RGS5: variants seen among roughly 807,000 people sequenced by gnomAD.
RGS5 encodes the protein regulator of G-protein signalling 5.
A neutral mutation model predicts 18.9 loss-of-function variants in RGS5; 20 were observed. The observed-to-expected ratio is 1.06, with a 90% CI of 0.74 to 1.54. The LOEUF (loss-of-function observed/expected upper bound fraction) is 1.54. RGS5 is among the 40% of genes most tolerant of loss of function. The probability of loss-of-function intolerance (pLI) is 0.00; values close to 1 mark genes in which losing one functional copy is unlikely to be tolerated. For synonymous variants in RGS5, 57 were observed against 76.2 expected, an observed-to-expected ratio of 0.75 and a Z score of 1.31; for missense variants, 201 against 211.8, an observed-to-expected ratio of 0.95 and a Z score of 0.32.
At chr1:163,269,402 T>C (rs1648653640) in intron 2 of RGS5, among the ~76,000 whole-genome samples, 1 of 152,022 alleles carries the variant, frequency 6.6e-6, no homozygotes, top group Admixed American at 6.6e-5. Flanking sequence ...CACATATGCA[T>C]CTCTCCAACA....
intron 1 of RGS5, among the ~76,000 whole-genome samples, chr1:163,186,181 CT>C (rs1229026409): frequency 1.6e-4 from 25 of 151,736 alleles, no homozygotes; most frequent in African/African-American, 5.8e-4. Context: ...AGCAATTTCC[CT>C]GCCTCAGCCT....
intron 2 of RGS5, among the ~76,000 whole-genome samples, chr1:163,301,657 A>T (rs1323108601): frequency 6.6e-6 from 1 of 152,182 alleles, no homozygotes; most frequent in East Asian, 1.9e-4. Context: ...ATAAAGAAAA[A>T]AAATGAGCCT....
intron 2 of RGS5, among the ~76,000 whole-genome samples, chr1:163,268,616 C>A (rs1433111668): frequency 6.6e-6 from 1 of 152,044 alleles, no homozygotes; most frequent in African/African-American, 2.4e-5. Context: ...AACCAATATT[C>A]CCCCTGTCCT....
chr1:163,167,362 C>T (rs572863908), intron 2 of RGS5, among the ~76,000 whole-genome samples: 106 of 152,296 alleles, frequency 7.0e-4, no homozygotes, highest in African/African-American at 2.4e-3. Context: ...CTTGATTTTT[C>T]ATGGATATCT....
At chr1:163,274,079 C>T (rs1309879732) in intron 2 of RGS5, among the ~76,000 whole-genome samples, 1 of 152,118 alleles carries the variant, frequency 6.6e-6, no homozygotes, top group African/African-American at 2.4e-5. Context: ...TTGGTCTTGG[C>T]CCCTGGTTCC....
At chr1:163,183,486 C>T (rs942072698) in intron 1 of RGS5, among the ~76,000 whole-genome samples, 6 of 152,154 alleles carry the variant, frequency 3.9e-5, no homozygotes, top group African/African-American at 4.8e-5. Context: ...TATTGAGATG[C>T]AGCTGTGATA....
rs1446668584 is a variant in RGS5, at chr1:163,146,773, C to A, written c.*569G>T. ...TCTCTTATTTATAATACCCAACTAA[C>A]ATGAAGGTGGTCCAAGGGAAGGATC... On this transcript the variant is annotated 3_prime_UTR_variant, in exon 5 of 5. Coordinates refer to ENST00000313961, the MANE Select transcript of RGS5 (RefSeq NM_003617.4). 6.6e-6 allele frequency: 1 copy of A among 152,092 alleles called. No individual in the cohort carries two copies. The highest frequency in any genetic ancestry group is 2.4e-5 in the African/African-American group (1 of 41,424). The allele number at this position is 152,092 out of a possible 1,614,324, so 9.4% of individuals were successfully genotyped here. A position where few individuals can be genotyped will look rare whatever the true frequency, so the allele number is the denominator to read the frequency against.
intron 2 of RGS5, among the ~76,000 whole-genome samples, chr1:163,267,569 A>G (rs1333415012): frequency 1.3e-5 from 2 of 152,138 alleles, no homozygotes; most frequent in African/African-American, 2.4e-5. Flanking sequence ...ATTGAGTCTG[A>G]TTATAAATTG....
At chr1:163,312,078 T>C (rs2101650438) in intron 1 of RGS5, among the ~76,000 whole-genome samples, 1 of 152,312 alleles carries the variant, frequency 6.6e-6, no homozygotes, top group Non-Finnish European at 1.5e-5. Context: ...AGGGACCTGG[T>C]GGGAGGTGGC....
chr1:163,315,368 C>T (rs1179423942), intron 1 of RGS5, among the ~76,000 whole-genome samples: 1 of 152,042 alleles, frequency 6.6e-6, no homozygotes, highest in African/African-American at 2.4e-5. Flanking sequence ...ATCAGCCTGG[C>T]CAACATAGTG....
intron 2 of RGS5, among the ~76,000 whole-genome samples, chr1:163,275,894 T>C (rs148725104): frequency 6.6e-6 from 1 of 152,268 alleles, no homozygotes; most frequent in East Asian, 1.9e-4. Context: ...AGGGATAGAA[T>C]TAGATCAGGC....
At chr1:163,279,997 A>T (rs1031281522) in intron 2 of RGS5, among the ~76,000 whole-genome samples, 1 of 152,096 alleles carries the variant, frequency 6.6e-6, no homozygotes, top group African/African-American at 2.4e-5. Flanking sequence ...TGAATAACAA[A>T]GTTGAATCAG....
intron 2 of RGS5, among the ~76,000 whole-genome samples, chr1:163,278,528 G>A (rs949801651): frequency 3.3e-5 from 5 of 152,122 alleles, no homozygotes; most frequent in African/African-American, 9.6e-5. Flanking sequence ...TGAAAACACA[G>A]AAGTATTAAC....
intron 1 of RGS5, among the ~76,000 whole-genome samples, chr1:163,310,730 C>T (rs1181708453): frequency 6.6e-6 from 1 of 152,126 alleles, no homozygotes; most frequent in African/African-American, 2.4e-5. Flanking sequence ...GCACTTGCTG[C>T]TTCACTCTAC....
intron 2 of RGS5, among the ~76,000 whole-genome samples, chr1:163,162,568 AC>A (rs1191512489): frequency 6.6e-6 from 1 of 152,012 alleles, no homozygotes; most frequent in East Asian, 1.9e-4. Context: ...ACAGGATCAG[AC>A]TTTTTTTTAA....
chr1:163,284,721 T>C (rs1394515522), intron 2 of RGS5, among the ~76,000 whole-genome samples: 2 of 152,080 alleles, frequency 1.3e-5, no homozygotes, highest in East Asian at 3.9e-4. Context: ...CAATAGGATC[T>C]GTCTTCCCTC....
At chr1:163,273,665 A>G (rs1648777990) in intron 2 of RGS5, among the ~76,000 whole-genome samples, 1 of 152,192 alleles carries the variant, frequency 6.6e-6, no homozygotes, top group South Asian at 2.1e-4. Flanking sequence ...TCTAACATAT[A>G]GGACCACTCA....
intron 3 of RGS5, among the ~76,000 whole-genome samples, chr1:163,156,716 T>C (rs932047944): frequency 1.3e-5 from 2 of 152,142 alleles, no homozygotes; most frequent in African/African-American, 4.8e-5. Context: ...ACACTAACTT[T>C]AAAAAAATTA....
intron 1 of RGS5, chr1:163,308,591 A>T (rs1319210428): frequency 6.6e-6 from 1 of 152,196 alleles, no homozygotes; most frequent in African/African-American, 2.4e-5. Context: ...CTTCATCAGG[A>T]ACCAAAACAG....
Sources: gnomAD v4.1 joint callset for allele counts (sites outside exome capture counted in the v4.1 genomes callset) on GRCh38, gnomAD v4.1.1 for gene constraint, MANE v1.5 for transcripts, NCBI Gene and HGNC (gene_info 2026-07-23, HGNC 2026-07-21) for gene names.